The following HPS3 variants were observed in gnomAD, a reference collection of about 807,000 sequenced individuals.
The protein encoded by HPS3 is BLOC-2 complex member HPS3.
In HPS3, 79 loss-of-function variants were observed where a neutral mutation model predicts 110.9. The observed-to-expected ratio is 0.71, with a 90% CI of 0.59 to 0.86. The LOEUF is 0.86. Ranked by LOEUF, HPS3 falls within the 40% of genes least tolerant of loss-of-function variation. HPS3 has a pLI of 0.00. For missense variants in HPS3, 1,197 were observed against 1,206.2 expected, an observed-to-expected ratio of 0.99 and a Z score of 0.11; for synonymous variants, 428 against 451.0, an observed-to-expected ratio of 0.95 and a Z score of 0.65.
intron 5 of HPS3, among the ~76,000 whole-genome samples, chr3:149,148,876 A>G (rs548594720): frequency 3.3e-5 from 5 of 150,676 alleles, no homozygotes; most frequent in Admixed American, 2.6e-4. Context: ...TCTAGTATAC[A>G]TTTCTGCTTA....
chr3:149,140,282 A>G lies in HPS3; in HGVS notation c.496A>G (p.Ile166Val). The G allele has an allele frequency of 6.2e-7, 1 of 1,614,102 alleles. No homozygotes were observed. Among genetic ancestry groups the G allele is most frequent in the South Asian group, 1.1e-5 (1 of 91,082 alleles). Residue 166 changes from isoleucine (I) to valine (V), a missense_variant, in exon 2 of 17, where the codon ATT becomes GTT. Physicochemically the swap from Ile to Val is conservative, Grantham distance 29 (BLOSUM62 3). Transcript: ENST00000296051. The stretch of plus-strand genomic sequence containing the variant: ...CTTATTTAGTTTGAAGTACCAGATC[A>G]TTAATGAGGAATTCTCACTATTGGA... ...LVLFSLKYQI[I>V]NEEFSLLDFE...
At chr3:149,162,617 T>C (rs771525748) in intron 12 of HPS3, 73 bp from the exon 13 acceptor site, 1 of 1,470,960 alleles carries the variant, frequency 6.8e-7, no homozygotes, top group African/African-American at 1.4e-5. Flanking sequence ...GATGCTGTGA[T>C]ATTCAGCCCA....
intron 4 of HPS3, among the ~76,000 whole-genome samples, chr3:149,143,653 G>A (rs1722619253): frequency 6.6e-6 from 1 of 152,180 alleles, no homozygotes; most frequent in South Asian, 2.1e-4. Context: ...ATTTTGGAAA[G>A]ATATTACATA....
intron 7 of HPS3, among the ~76,000 whole-genome samples, chr3:149,154,795 C>T (rs1228136693): frequency 6.6e-6 from 1 of 152,172 alleles, no homozygotes; most frequent in African/African-American, 2.4e-5. Context: ...TAGGGACTTC[C>T]GCAGTCAAGG....
intron 6 of HPS3, among the ~76,000 whole-genome samples, chr3:149,152,030 T>TA (rs1281970527): frequency 6.6e-6 from 1 of 152,210 alleles, no homozygotes; most frequent in Admixed American, 6.5e-5. Flanking sequence ...TGACCCTTTT[T>TA]AATGGCCTGC....
At chr3:149,136,368 A>T (rs1722098258) in intron 1 of HPS3, among the ~76,000 whole-genome samples, 1 of 152,116 alleles carries the variant, frequency 6.6e-6, no homozygotes, top group South Asian at 2.1e-4. Flanking sequence ...ACTTAAATTT[A>T]AAAAAGGTAA....
At chr3:149,166,018 C>T (rs1311455005) in intron 14 of HPS3, 1 of 456,262 alleles carries the variant, frequency 2.2e-6, no homozygotes, top group Non-Finnish European at 4.4e-6. Flanking sequence ...GGGTAGATCA[C>T]ATTCCATATT....
Position 149,148,705 on chromosome 3 carries a change from AT to A in HPS3, c.1164-1881del, listed in dbSNP as rs879309958. On this transcript the variant is annotated intron_variant, in intron 5 of 16. Transcript: ENST00000296051. ...CAGGCATGAGCCACCATGCCCGGCC[AT>A]TTTTTTTTTTTTGTTGTTGTTTTTA... Among the ~76,000 whole-genome samples the A allele has an allele frequency of 3.3e-3, 479 of 146,296 alleles. 3 individuals carry two copies. Among genetic ancestry groups the A allele is most frequent in the Admixed American group, 0.016 (231 of 14,668 alleles).
Position 149,160,251 on chromosome 3 carries a change from A to T in HPS3, c.2078A>T (p.His693Leu). The change falls in exon 11 of 17, where the codon CAC becomes CTC. Residue 693 changes from histidine to leucine, a missense_variant. Transcript: ENST00000296051. ...CTGAAAATGGGAGATCTTGACATGC[A>T]CAGAAATGAAATGAAAAGCCATTCA... ...VALKMGDLDM[H>L]RNEMKSHSEM... is the part of the protein sequence containing the mutation. The T allele has an allele frequency of 6.2e-7, 1 of 1,613,570 alleles. No homozygotes were observed. The highest frequency in any genetic ancestry group is 8.5e-7 in the Non-Finnish European group (1 of 1,179,588).
intron 1 of HPS3, among the ~76,000 whole-genome samples, chr3:149,135,704 G>A (rs1722045345): frequency 6.6e-6 from 1 of 152,092 alleles, no homozygotes; most frequent in African/African-American, 2.4e-5. Flanking sequence ...TCCTGAAAGA[G>A]AAAGACCTGG....
chr3:149,162,761 A>AT lies in HPS3; in HGVS notation c.2365dup (p.Cys789LeufsTer24). 1 of 1,614,022 alleles carries AT rather than the reference A, an allele frequency of 6.2e-7. No homozygotes were observed. Among genetic ancestry groups the AT allele is most frequent in the Non-Finnish European group, 8.5e-7 (1 of 1,179,916 alleles). On this transcript the variant is annotated frameshift_variant, in exon 13 of 17. Transcript: ENST00000296051. LOFTEE classifies it high-confidence loss of function. ...ACTTTTGGGAAGCTCAGCTAGTGGC[A>AT]TGTCTCCCAGATGTGGTACTTCAGG...
intron 1 of HPS3, among the ~76,000 whole-genome samples, chr3:149,136,735 GATC>G (rs995349864): frequency 1.3e-5 from 2 of 152,150 alleles, no homozygotes; most frequent in African/African-American, 4.8e-5. Context: ...GCAAGTGCTG[GATC>G]ATCATTTAAA....
chr3:149,129,979 G>T (rs1048968233), intron 1 of HPS3, 39 bp downstream of exon 1: 3 of 1,510,022 alleles, frequency 2.0e-6, no homozygotes, highest in African/African-American at 2.8e-5. Flanking sequence ...CTGGGGTCCA[G>T]CTTGAGGCCT....
In HPS3 at chr3:149,158,536, CCAGCACTTTGGGA is replaced by C. The variant is rs1297619916; in HGVS notation, c.1692-129_1692-117del. On this transcript the variant is annotated intron_variant, in intron 9 of 16. Transcript: ENST00000296051. Reference sequence around the variant, plus strand: ...GGCATGGTGGCTTACACCTGGAATCCCAGCACTTTGGGAGGCTGAGGTAGGATAATCACTTGAG... The same window carrying C: ...GGCATGGTGGCTTACACCTGGAATCCGGCTGAGGTAGGATAATCACTTGAG... The C allele has an allele frequency of 8.9e-6, 8 of 900,090 alleles. No homozygotes were observed. The Middle Eastern group carries it at 1.1e-3, about 123-fold the overall frequency. 55.8% of individuals were successfully genotyped at this position (900,090 alleles called of 1,614,324 possible). A position where few individuals can be genotyped will look rare whatever the true frequency, so the allele number is the denominator to read the frequency against.
intron 1 of HPS3, among the ~76,000 whole-genome samples, chr3:149,138,333 T>A (rs1018693219): frequency 2.0e-5 from 3 of 152,200 alleles, no homozygotes; most frequent in Admixed American, 6.5e-5. Flanking sequence ...CATTTCAATT[T>A]CAATTCATCG....
At chr3:149,132,375 A>G (rs374369715) in intron 1 of HPS3, among the ~76,000 whole-genome samples, 1 of 152,204 alleles carries the variant, frequency 6.6e-6, no homozygotes, top group Admixed American at 6.5e-5. Flanking sequence ...TCTGAAAATC[A>G]TAGGGCCCTT....
chr3:149,139,446 G>A (rs114818908), intron 1 of HPS3, among the ~76,000 whole-genome samples: 1,557 of 152,242 alleles, frequency 0.01, 12 homozygotes, highest in African/African-American at 0.035. Context: ...TCTTTACCAC[G>A]TTACCATTTT....
chr3:149,170,805 C>T (rs1388092838), intron 16 of HPS3, among the ~76,000 whole-genome samples: 1 of 152,134 alleles, frequency 6.6e-6, no homozygotes, highest in African/African-American at 2.4e-5. Context: ...ATGCAACGAT[C>T]ACACAGGGAA....
chr3:149,162,508 T>C, intron 12 of HPS3, 175 bp downstream of exon 12: 1 of 908,672 alleles, frequency 1.1e-6, no homozygotes, highest in Non-Finnish European at 1.7e-6. Flanking sequence ...AGAAACTTTA[T>C]TTGTACATCC....
Sources: gnomAD v4.1 joint callset for allele counts (sites outside exome capture counted in the v4.1 genomes callset) on GRCh38, gnomAD v4.1.1 for gene constraint, MANE v1.5 for transcripts, NCBI Gene and HGNC (gene_info 2026-07-23, HGNC 2026-07-21) for gene names.